SNX29: variants seen among roughly 807,000 people sequenced by gnomAD.
The protein encoded by SNX29 is sorting nexin 29.
SNX29 carries 78 observed loss-of-function variants against 102.1 expected under a neutral mutation model. The ratio of observed to expected loss-of-function variants is 0.76; its 90% CI spans 0.64 to 0.92. SNX29 has a LOEUF of 0.92. Ranked by LOEUF, SNX29 falls within the 40% of genes least tolerant of loss-of-function variation. The pLI, the probability that SNX29 is intolerant of heterozygous loss-of-function variation, is 0.00. For missense variants in SNX29, 1,280 were observed against 1,061.7 expected (o/e 1.21, Z -2.86); for synonymous variants, 580 against 414.5 (o/e 1.40, Z -4.85).
intron 14 of SNX29, among the ~76,000 whole-genome samples, chr16:12,231,137 G>A (rs1308316652): frequency 6.6e-6 from 1 of 152,114 alleles, no homozygotes; most frequent in Non-Finnish European, 1.5e-5. Flanking sequence ...ACAGATGTTA[G>A]CCAATGTGCC....
chr16:12,229,975 C>G (rs894840500), intron 14 of SNX29, among the ~76,000 whole-genome samples: 7 of 152,308 alleles, frequency 4.6e-5, no homozygotes, highest in Non-Finnish European at 7.4e-5. Flanking sequence ...GCTTTGTTGT[C>G]CAGATGGGTC....
chr16:12,564,432 T>G (rs954676012), intron 20 of SNX29, among the ~76,000 whole-genome samples: 1 of 152,202 alleles, frequency 6.6e-6, no homozygotes, highest in Non-Finnish European at 1.5e-5. Flanking sequence ...ATTATCCTCA[T>G]TTCACAGATC....
At chr16:12,107,232 A>G (rs2053292094) in intron 11 of SNX29, among the ~76,000 whole-genome samples, 1 of 152,090 alleles carries the variant, frequency 6.6e-6, no homozygotes, top group Non-Finnish European at 1.5e-5. Context: ...CTGGCCAGCC[A>G]AGGCGCTTCA....
intron 19 of SNX29, among the ~76,000 whole-genome samples, chr16:12,505,735 G>T (rs867589082): frequency 1.2e-5 from 1 of 84,414 alleles, no homozygotes; most frequent in African/African-American, 4.7e-5. Flanking sequence ...GTTTTTATAT[G>T]AATTTTTGGA....
intron 13 of SNX29, among the ~76,000 whole-genome samples, chr16:12,162,447 A>G (rs1017542492): frequency 2.6e-5 from 4 of 152,204 alleles, no homozygotes; most frequent in Non-Finnish European, 2.9e-5. Context: ...TTGGCTTTGC[A>G]GGCCATATGG....
chr16:12,173,231 G>C (rs1596421645), intron 13 of SNX29, among the ~76,000 whole-genome samples: 1 of 152,170 alleles, frequency 6.6e-6, no homozygotes, highest in African/African-American at 2.4e-5. Flanking sequence ...AGTGGGTTCT[G>C]GTTCCAACAG....
intron 8 of SNX29, 142 bp from the exon 9 acceptor site, chr16:12,061,386 A>G (rs946719254): frequency 7.7e-6 from 5 of 649,520 alleles, no homozygotes; most frequent in African/African-American, 1.8e-5. Context: ...TCCACGCTCT[A>G]CCTCCCAGCC....
intron 13 of SNX29, among the ~76,000 whole-genome samples, chr16:12,137,735 C>T (rs1289209668): frequency 6.6e-6 from 1 of 152,190 alleles, no homozygotes; most frequent in Non-Finnish European, 1.5e-5. Context: ...AGTGTCCATT[C>T]AAAGGCACTG....
chr16:12,183,361 A>G (rs936027114), intron 13 of SNX29, among the ~76,000 whole-genome samples: 3 of 152,136 alleles, frequency 2.0e-5, no homozygotes, highest in African/African-American at 7.2e-5. Context: ...ACCTGCTGAA[A>G]AGTCCTAGTA....
chr16:12,282,188 G>C (rs73506130), intron 15 of SNX29, among the ~76,000 whole-genome samples: 5,954 of 151,944 alleles, frequency 0.039, 386 homozygotes, highest in African/African-American at 0.14. Context: ...GGAAGGCTGA[G>C]CTCATTGAAG....
chr16:12,535,773 G>C (rs2077058847), intron 20 of SNX29, among the ~76,000 whole-genome samples: 1 of 151,888 alleles, frequency 6.6e-6, no homozygotes, highest in Non-Finnish European at 1.5e-5. Flanking sequence ...CTCCTCTGGA[G>C]GTCCTCAGAG....
At chr16:12,453,721 C>A (rs777724387) in intron 18 of SNX29, among the ~76,000 whole-genome samples, 1 of 152,152 alleles carries the variant, frequency 6.6e-6, no homozygotes, top group East Asian at 1.9e-4. Flanking sequence ...ATAAAAGTTA[C>A]CCTTCAAAGA....
At chr16:12,272,678 GA>G (rs1437774433) in intron 14 of SNX29, among the ~76,000 whole-genome samples, 1 of 152,142 alleles carries the variant, frequency 6.6e-6, no homozygotes, top group Non-Finnish European at 1.5e-5. Context: ...CAGGTACATA[GA>G]TAAAGTCATT....
chr16:12,356,347 G>T, intron 16 of SNX29, 68 bp downstream of exon 16: 1 of 1,396,248 alleles, frequency 7.2e-7, no homozygotes. Context: ...GAAAAGCACA[G>T]AGACTCACAG....
At chr16:12,190,451 C>G (rs1422520575) in intron 13 of SNX29, among the ~76,000 whole-genome samples, 4 of 152,136 alleles carry the variant, frequency 2.6e-5, no homozygotes, top group Admixed American at 2.0e-4. Flanking sequence ...CTAGAATACG[C>G]TGGGGGCAGA....
chr16:12,421,604 G>T (rs1283899920), intron 18 of SNX29, among the ~76,000 whole-genome samples: 1 of 152,220 alleles, frequency 6.6e-6, no homozygotes, highest in East Asian at 1.9e-4. Context: ...AGGAGGTAAA[G>T]AATGGAGAGA....
chr16:12,517,839 G>A (rs572732430), intron 19 of SNX29, among the ~76,000 whole-genome samples: 6 of 152,256 alleles, frequency 3.9e-5, no homozygotes, highest in African/African-American at 1.4e-4. Flanking sequence ...GGCATGTCCC[G>A]AGAGGTCTCT....
At chr16:12,373,286 C>T (rs571834937) in intron 16 of SNX29, among the ~76,000 whole-genome samples, 7 of 152,176 alleles carry the variant, frequency 4.6e-5, no homozygotes, top group Non-Finnish European at 1.0e-4. Context: ...GCATGCACCA[C>T]CACACTTGGC....
intron 15 of SNX29, among the ~76,000 whole-genome samples, chr16:12,348,963 C>T (rs139072827): frequency 2.4e-3 from 359 of 152,308 alleles, no homozygotes; most frequent in African/African-American, 8.4e-3. Context: ...CATCGCCCCT[C>T]TGGGAAGACA....
Sources: allele counts gnomAD v4.1 joint callset (sites outside exome capture counted in the v4.1 genomes callset), GRCh38; gene constraint gnomAD v4.1.1; transcripts MANE v1.5; gene names NCBI Gene and HGNC (gene_info 2026-07-23, HGNC 2026-07-21).